The following LDB2 variants were observed in gnomAD, a reference collection of about 807,000 sequenced individuals.
LDB2 encodes the protein LIM domain-binding protein 2.
In LDB2, 12 loss-of-function variants were observed where a neutral mutation model predicts 44.3. The ratio of observed to expected loss-of-function variants is 0.27; its 90% CI spans 0.17 to 0.44. The LOEUF (loss-of-function observed/expected upper bound fraction) is 0.44, where lower values mean the gene tolerates loss of function less well. Among genes scored for constraint, LDB2 ranks in the 20% least tolerant of loss-of-function variants. LDB2 has a pLI of 1.00. For synonymous variants in LDB2, 164 were observed against 174.8 expected, an observed-to-expected ratio of 0.94 and a Z score of 0.49; for missense variants, 344 against 473.5, an observed-to-expected ratio of 0.73 and a Z score of 2.54.
At chr4:16,811,946 T>C (rs1262940266) in intron 1 of LDB2, among the ~76,000 whole-genome samples, 2 of 152,198 alleles carry the variant, frequency 1.3e-5, no homozygotes, top group Non-Finnish European at 2.9e-5. Context: ...TCCAAATATT[T>C]TTTTCCATTA....
At chr4:16,844,531 T>C (rs1786565824) in intron 1 of LDB2, among the ~76,000 whole-genome samples, 1 of 152,216 alleles carries the variant, frequency 6.6e-6, no homozygotes, top group Non-Finnish European at 1.5e-5. Context: ...TATTTTTCTC[T>C]TAAGACTTTT....
At chr4:16,855,527 A>G (rs969124904) in intron 1 of LDB2, among the ~76,000 whole-genome samples, 5 of 152,144 alleles carry the variant, frequency 3.3e-5, no homozygotes, top group African/African-American at 1.2e-4. Context: ...GCAACTCACA[A>G]ATTATAGTTA....
intron 2 of LDB2, among the ~76,000 whole-genome samples, chr4:16,638,673 T>C (rs1253460903): frequency 6.6e-6 from 1 of 152,250 alleles, no homozygotes. Flanking sequence ...CTTTCATTGA[T>C]GTATTCATTC....
chr4:16,623,406 T>C (rs978146328), intron 2 of LDB2, among the ~76,000 whole-genome samples: 36 of 152,142 alleles, frequency 2.4e-4, no homozygotes, highest in Non-Finnish European at 4.9e-4. Flanking sequence ...AAGGCCAGCC[T>C]GGCCAACATG....
intron 2 of LDB2, among the ~76,000 whole-genome samples, chr4:16,660,109 G>A (rs1741137926): frequency 1.3e-5 from 2 of 152,128 alleles, no homozygotes; most frequent in South Asian, 2.1e-4. Context: ...ACAACACACA[G>A]AGAAAGAATG....
At chr4:16,651,080 G>A (rs1028383839) in intron 2 of LDB2, 10 of 152,126 alleles carry the variant, frequency 6.6e-5, no homozygotes, top group Admixed American at 2.0e-4. Context: ...TTTGCCTAGG[G>A]ACTATCTGTA....
chr4:16,559,084 C>A (rs1054537862), intron 5 of LDB2, among the ~76,000 whole-genome samples: 9 of 152,318 alleles, frequency 5.9e-5, no homozygotes, highest in African/African-American at 2.2e-4. Flanking sequence ...TGGAAAAGAA[C>A]AACCGGTACC....
At chr4:16,798,145 G>T (rs988253922) in intron 1 of LDB2, among the ~76,000 whole-genome samples, 31 of 151,910 alleles carry the variant, frequency 2.0e-4, no homozygotes, top group African/African-American at 7.3e-4. Context: ...AGTTCACAGG[G>T]TTATTGTGAG....
intron 5 of LDB2, among the ~76,000 whole-genome samples, chr4:16,518,221 T>C (rs1036633677): frequency 1.3e-5 from 2 of 152,178 alleles, no homozygotes; most frequent in East Asian, 1.9e-4. Flanking sequence ...CTGGAGAAAT[T>C]TGATTCTTTT....
chr4:16,595,991 A>G (rs1275258117), intron 2 of LDB2, 116 bp from the exon 3 acceptor site: 6 of 1,016,794 alleles, frequency 5.9e-6, no homozygotes, highest in Non-Finnish European at 8.4e-6. Context: ...AAGAAACCAT[A>G]CCAGGAGGCA....
chr4:16,639,685 C>T (rs962658089), intron 2 of LDB2, among the ~76,000 whole-genome samples: 1 of 152,194 alleles, frequency 6.6e-6, no homozygotes, highest in African/African-American at 2.4e-5. Flanking sequence ...GTCTCAAACT[C>T]CGGACCTCAG....
At chr4:16,565,373 TAAAAA>T (rs1320137717) in intron 5 of LDB2, among the ~76,000 whole-genome samples, 3 of 152,228 alleles carry the variant, frequency 2.0e-5, no homozygotes, top group South Asian at 2.1e-4. Flanking sequence ...CTCATAATAA[TAAAAA>T]GAGAAGAGTA....
intron 2 of LDB2, among the ~76,000 whole-genome samples, chr4:16,603,224 C>T (rs1723029613): frequency 6.6e-6 from 1 of 152,176 alleles, no homozygotes; most frequent in African/African-American, 2.4e-5. Context: ...ATGAATCAAA[C>T]ACCCTGTAAG....
At chr4:16,706,844 A>C (rs1328197691) in intron 2 of LDB2, among the ~76,000 whole-genome samples, 2 of 152,152 alleles carry the variant, frequency 1.3e-5, no homozygotes, top group South Asian at 2.1e-4. Flanking sequence ...CAGATACCTC[A>C]AGGCAGATAG....
intron 5 of LDB2, among the ~76,000 whole-genome samples, chr4:16,555,255 G>C (rs1472929355): frequency 6.6e-6 from 1 of 152,200 alleles, no homozygotes; most frequent in Non-Finnish European, 1.5e-5. Context: ...ATTCAGTAGA[G>C]TTAAGACAAA....
chr4:16,836,650 T>G (rs1784927930), intron 1 of LDB2, among the ~76,000 whole-genome samples: 1 of 152,214 alleles, frequency 6.6e-6, no homozygotes, highest in Non-Finnish European at 1.5e-5. Context: ...ACCCTCCCTT[T>G]TACCTCTGCT....
intron 2 of LDB2, among the ~76,000 whole-genome samples, chr4:16,604,619 G>A (rs546981341): frequency 6.6e-6 from 1 of 151,570 alleles, no homozygotes; most frequent in South Asian, 2.1e-4. Context: ...GATAGTTTTA[G>A]GGAATGTATC....
chr4:16,661,623 A>AT (rs112105242), intron 2 of LDB2, among the ~76,000 whole-genome samples: 11 of 151,348 alleles, frequency 7.3e-5, no homozygotes, highest in South Asian at 2.1e-4. Flanking sequence ...GGCTATAACC[A>AT]TTTTTTTTTA....
At chr4:16,864,732 C>G (rs1253327837) in intron 1 of LDB2, among the ~76,000 whole-genome samples, 1 of 152,102 alleles carries the variant, frequency 6.6e-6, no homozygotes, top group Non-Finnish European at 1.5e-5. Context: ...CGAGACCAGC[C>G]TGGCCAATAT....
Sources: allele counts gnomAD v4.1 joint callset (sites outside exome capture counted in the v4.1 genomes callset), GRCh38; gene constraint gnomAD v4.1.1; transcripts MANE v1.5; gene names NCBI Gene and HGNC (gene_info 2026-07-23, HGNC 2026-07-21).